The following RTN1 variants were observed in gnomAD, a reference collection of about 807,000 sequenced individuals.
The protein encoded by RTN1 is reticulon 1.
RTN1 carries 25 observed loss-of-function variants against 65.5 expected under a neutral mutation model. The observed-to-expected ratio is 0.38, with a 90% CI of 0.28 to 0.53. RTN1 has a LOEUF of 0.53. Ranked by LOEUF, RTN1 falls within the 20% of genes least tolerant of loss-of-function variation. RTN1 has a pLI of 0.79. For synonymous variants in RTN1, 471 were observed against 447.6 expected, an observed-to-expected ratio of 1.05 and a Z score of -0.66; for missense variants, 983 against 1,025.4, an observed-to-expected ratio of 0.96 and a Z score of 0.57.
chr14:59,704,600 C>A (rs1435726995), intron 3 of RTN1, among the ~76,000 whole-genome samples: 1 of 152,206 alleles, frequency 6.6e-6, no homozygotes, highest in Non-Finnish European at 1.5e-5. Flanking sequence ...AAAGTGATGG[C>A]TGAGTTCTCA....
chr14:59,666,741 T>C (rs912597132), intron 3 of RTN1, among the ~76,000 whole-genome samples: 4 of 151,332 alleles, frequency 2.6e-5, no homozygotes, highest in Non-Finnish European at 5.9e-5. Flanking sequence ...ATAGATGCAA[T>C]AAAAAATGAT....
intron 1 of RTN1, among the ~76,000 whole-genome samples, chr14:59,859,748 C>T (rs1435228742): frequency 3.3e-5 from 5 of 152,154 alleles, no homozygotes; most frequent in African/African-American, 1.2e-4. Context: ...ATGAGCTGGT[C>T]TCAGATGGAA....
intron 1 of RTN1, among the ~76,000 whole-genome samples, chr14:59,768,084 A>G (rs771461568): frequency 6.6e-6 from 1 of 152,214 alleles, no homozygotes; most frequent in Non-Finnish European, 1.5e-5. Context: ...GCTTGTTTTC[A>G]TAATTCTTAT....
At chr14:59,648,986 C>T (rs1410085029) in intron 3 of RTN1, among the ~76,000 whole-genome samples, 2 of 151,970 alleles carry the variant, frequency 1.3e-5, no homozygotes, top group Non-Finnish European at 2.9e-5. Context: ...AGTGTGATGC[C>T]ACTAGCTTTG....
chr14:59,719,081 T>C (rs939565578), intron 3 of RTN1, among the ~76,000 whole-genome samples: 1 of 152,200 alleles, frequency 6.6e-6, no homozygotes, highest in Non-Finnish European at 1.5e-5. Flanking sequence ...CAATGTGACC[T>C]CTAAAGAATG....
rs373760792 is a variant in RTN1, at chr14:59,700,746, T to C, written c.1765+26173A>G. 9.9e-5 allele frequency among the ~76,000 whole-genome samples: 15 copies of C among 152,234 alleles called. No homozygotes were observed. In the South Asian group the frequency reaches 1.2e-3, roughly 13 times the overall value. On this transcript the variant is annotated intron_variant, in intron 3 of 8. Transcript: ENST00000267484. ...GAATCAAAGACCTAAATGAAAGAAC[T>C]AAAACTTTAAAACTCTTAGATGAAA... is the stretch of plus-strand genomic sequence containing the variant.
rs1235911344 is a variant in RTN1 at position 59,868,735 on chromosome 14, A to T, written c.241+1655T>A. On this transcript the variant is annotated intron_variant, in intron 1 of 8. Coordinates refer to ENST00000267484, the MANE Select transcript of RTN1 (RefSeq NM_021136.3). The surrounding 1 kb of genome is among the most constrained non-coding windows in gnomAD (Gnocchi z 4.0). ...ACTTAGCTTCCTTTTTCTAGTTCAC[A>T]TAATCTTAGTGGCACTAATAGGAGG... is the stretch of plus-strand genomic sequence containing the variant. Among the ~76,000 whole-genome samples the T allele has an allele frequency of 6.6e-6, 1 of 152,204 alleles. No individual in the cohort carries two copies. Among genetic ancestry groups the T allele is most frequent in the Non-Finnish European group, 1.5e-5 (1 of 68,038 alleles).
chr14:59,703,583 C>A (rs1047593369), intron 3 of RTN1, among the ~76,000 whole-genome samples: 1 of 152,134 alleles, frequency 6.6e-6, no homozygotes, highest in African/African-American at 2.4e-5. Flanking sequence ...TATAAATTAC[C>A]CAGCTTCAGG....
chr14:59,775,952 G>A (rs963632844), intron 1 of RTN1, among the ~76,000 whole-genome samples: 2 of 152,036 alleles, frequency 1.3e-5, no homozygotes, highest in Non-Finnish European at 2.9e-5. Context: ...AGATCAATCC[G>A]TATAAATAAT....
intron 1 of RTN1, among the ~76,000 whole-genome samples, chr14:59,820,487 C>A (rs1332480134): frequency 6.6e-6 from 1 of 151,548 alleles, no homozygotes. Context: ...GACATATGCC[C>A]AGAAGGGTAT....
chr14:59,839,811 A>T (rs1281242505), intron 1 of RTN1, among the ~76,000 whole-genome samples: 1 of 152,136 alleles, frequency 6.6e-6, no homozygotes, highest in East Asian at 1.9e-4. Context: ...AATTCATTTT[A>T]GACAATGAAT....
intron 1 of RTN1, among the ~76,000 whole-genome samples, chr14:59,845,744 T>A (rs1887397168): frequency 6.6e-6 from 1 of 152,184 alleles, no homozygotes. Context: ...CCATATCTGA[T>A]TATGCCAGCT....
At chr14:59,677,131 TG>T (rs1361082305) in intron 3 of RTN1, among the ~76,000 whole-genome samples, 8 of 152,216 alleles carry the variant, frequency 5.3e-5, no homozygotes. Flanking sequence ...TTCCTCCTTC[TG>T]ATGCTTTCTG....
At position 59,607,446 on chromosome 14, in the gene RTN1, C is replaced by T. The variant is rs753126826; in HGVS notation, c.1812G>A (p.Val604=). 3 of 1,611,282 alleles carry T rather than the reference C, an allele frequency of 1.9e-6. No individual in the cohort carries two copies. Among genetic ancestry groups the T allele is most frequent in the Non-Finnish European group, 2.5e-6 (3 of 1,178,546 alleles). ...YWRDIKQTGI[V]FGSFLLLLFS... Reference sequence around the variant, plus strand: ...AGAGCAGCAGCAGGAAACTCCCAAACACGATGCCCGTCTGCTTGATGTCCC... The same window carrying T: ...AGAGCAGCAGCAGGAAACTCCCAAATACGATGCCCGTCTGCTTGATGTCCC... The change falls in exon 4 of 9, where the codon GTG becomes GTA. Residue 604 remains valine, a synonymous_variant. Coordinates refer to ENST00000267484, the MANE Select transcript of RTN1 (RefSeq NM_021136.3).
At chr14:59,695,514 G>C (rs1018402586) in intron 3 of RTN1, among the ~76,000 whole-genome samples, 6 of 152,150 alleles carry the variant, frequency 3.9e-5, no homozygotes, top group Non-Finnish European at 8.8e-5. Context: ...TTTAGCCTGG[G>C]TTCCAAAACG....
intron 3 of RTN1, among the ~76,000 whole-genome samples, chr14:59,628,761 A>T (rs1382681492): frequency 6.6e-6 from 1 of 152,226 alleles, no homozygotes; most frequent in Non-Finnish European, 1.5e-5. Flanking sequence ...GTGTTTTTTT[A>T]AAACCTCGGA....
intron 3 of RTN1, among the ~76,000 whole-genome samples, chr14:59,724,421 G>A (rs1445805727): frequency 6.6e-6 from 1 of 152,180 alleles, no homozygotes; most frequent in Admixed American, 6.5e-5. Flanking sequence ...TCATCCCCTG[G>A]ATACTTGTGA....
intron 3 of RTN1, among the ~76,000 whole-genome samples, chr14:59,650,024 G>C (rs1882989115): frequency 2.0e-5 from 3 of 152,178 alleles, no homozygotes; most frequent in Admixed American, 2.0e-4. Context: ...TGATAGGCTG[G>C]ATAAAGAAAA....
chr14:59,749,744 T>C (rs1261975330), intron 1 of RTN1, among the ~76,000 whole-genome samples: 1 of 100,418 alleles, frequency 1.0e-5, no homozygotes, highest in South Asian at 2.5e-4. Flanking sequence ...TATATATATA[T>C]CTATATGTAT....
Sources: gnomAD v4.1 joint callset for allele counts (sites outside exome capture counted in the v4.1 genomes callset) on GRCh38, gnomAD v4.1.1 for gene constraint, Gnocchi (gnomAD v3.1) non-coding constraint, MANE v1.5 for transcripts, NCBI Gene and HGNC (gene_info 2026-07-23, HGNC 2026-07-21) for gene names.